TEAD4: variants seen among roughly 807,000 people sequenced by gnomAD.
TEAD4 encodes transcriptional enhancer factor TEF-3.
Under a neutral mutation model 52.4 loss-of-function variants are expected in TEAD4, and 36 were observed. The observed-to-expected ratio is 0.69, with a 90% CI of 0.53 to 0.91. The LOEUF (loss-of-function observed/expected upper bound fraction) is 0.91, where lower values mean the gene tolerates loss of function less well. Among genes scored for constraint, TEAD4 ranks in the 40% least tolerant of loss-of-function variants. The pLI, the probability that TEAD4 is intolerant of heterozygous loss-of-function variation, is 0.00. For missense variants in TEAD4, 508 were observed against 583.9 expected, an observed-to-expected ratio of 0.87 and a Z score of 1.34; for synonymous variants, 220 against 231.0, an observed-to-expected ratio of 0.95 and a Z score of 0.43.
chr12:3,017,082 C>T (rs1413744304), intron 5 of TEAD4: 2 of 509,268 alleles, frequency 3.9e-6, no homozygotes, highest in South Asian at 1.5e-5. Context: ...GAGCTAGGCA[C>T]CTGTGGTAGA....
intron 5 of TEAD4, 120 bp downstream of exon 5, chr12:3,012,352 A>G: frequency 8.9e-7 from 1 of 1,119,988 alleles, no homozygotes; most frequent in Non-Finnish European, 1.3e-6. Flanking sequence ...CTCTCTGTTG[A>G]GGAGAGCCAG....
In TEAD4 at chr12:3,017,484, C is replaced by A. The variant is rs1292023322; in HGVS notation, c.441C>A (p.Ser147Arg). ...TCTCCGCCACGGCCTTCCACAGTAGCATGGCCCTCGCCCGGGGCCCCGGCC... is the reference window on the plus strand; with the variant it reads ...TCTCCGCCACGGCCTTCCACAGTAGAATGGCCCTCGCCCGGGGCCCCGGCC... Residue 147 changes from serine (S) to arginine (R), a missense_variant, in exon 6 of 13, where the codon AGC (serine) becomes AGA (arginine). Transcript: ENST00000359864. 3 of 1,614,064 alleles carry A rather than the reference C, an allele frequency of 1.9e-6. No individual in the cohort carries two copies. Among genetic ancestry groups the A allele is most frequent in the East Asian group, 4.5e-5 (2 of 44,898 alleles).
chr12:2,990,708 C>T (rs530935772), intron 2 of TEAD4, among the ~76,000 whole-genome samples: 13 of 151,996 alleles, frequency 8.6e-5, no homozygotes, highest in East Asian at 1.9e-4. Flanking sequence ...TCAAGTGATC[C>T]GTCTGTCTCG....
intron 2 of TEAD4, among the ~76,000 whole-genome samples, chr12:2,985,833 C>G (rs1315719746): frequency 3.9e-5 from 6 of 152,068 alleles, no homozygotes; most frequent in Non-Finnish European, 8.8e-5. Context: ...CGCCTGTAAT[C>G]CCAGCACTTT....
chr12:3,019,002 A>G (rs2098266677), intron 7 of TEAD4, 113 bp from the exon 8 acceptor site: 4 of 1,337,880 alleles, frequency 3.0e-6, no homozygotes, highest in Non-Finnish European at 3.2e-6. Flanking sequence ...GCCCATCGGG[A>G]CCACTGAAAT....
chr12:3,013,476 C>G (rs527691171), intron 5 of TEAD4, among the ~76,000 whole-genome samples: 34 of 152,186 alleles, frequency 2.2e-4, no homozygotes, highest in African/African-American at 7.7e-4. Context: ...CGGTGGCTCA[C>G]GCCTGTAAGC....
chr12:2,998,447 G>A (rs1248450576), intron 3 of TEAD4, among the ~76,000 whole-genome samples: 2 of 151,164 alleles, frequency 1.3e-5, no homozygotes, highest in East Asian at 1.9e-4. Context: ...GACTGAAAAT[G>A]GTTTGGCAAA....
At chr12:3,016,616 A>T (rs1303258851) in intron 5 of TEAD4, among the ~76,000 whole-genome samples, 1 of 152,042 alleles carries the variant, frequency 6.6e-6, no homozygotes, top group African/African-American at 2.4e-5. Context: ...AAAAAAAAAA[A>T]AAAGAAGAAG....
chr12:2,960,483 G>A, intron 2 of TEAD4: 1 of 530,160 alleles, frequency 1.9e-6, no homozygotes, highest in Non-Finnish European at 2.4e-6. Context: ...GATCCAGGGA[G>A]CAGAACTTTC....
At chr12:2,974,938 A>C (rs1227229418) in intron 2 of TEAD4, among the ~76,000 whole-genome samples, 1 of 152,138 alleles carries the variant, frequency 6.6e-6, no homozygotes, top group African/African-American at 2.4e-5. Flanking sequence ...TAAATCTATT[A>C]ATATTTTCAG....
chr12:3,021,949 A>C lies in TEAD4; in HGVS notation c.829A>C (p.Lys277Gln). ...CCAAATCTATGACAAATTCCCGGAG[A>C]AAAAGGGTGGACTCAAGGATCTCTT... Residue 277 changes from lysine to glutamine, a missense_variant, in exon 10 of 13, where the codon AAA (lysine) becomes CAA (glutamine). Physicochemically the swap from Lys to Gln is moderately conservative, Grantham distance 53. Transcript: ENST00000359864. The C allele has an allele frequency of 6.2e-7, 1 of 1,614,200 alleles. No homozygotes were observed. The highest frequency in any genetic ancestry group is 1.1e-5 in the South Asian group (1 of 91,082).
At chr12:2,960,363 C>G in intron 2 of TEAD4, 1 of 985,610 alleles carries the variant, frequency 1.0e-6, no homozygotes, top group Non-Finnish European at 1.2e-6. Context: ...GGTAAGCGGA[C>G]TGCCTGTTTT....
chr12:3,013,125 A>G (rs1205532238), intron 5 of TEAD4, among the ~76,000 whole-genome samples: 1 of 151,328 alleles, frequency 6.6e-6, no homozygotes, highest in African/African-American at 2.4e-5. Context: ...ATTTTTTTCT[A>G]TTTTTTTATA....
chr12:3,029,644 G>A (rs557276191), intron 10 of TEAD4, among the ~76,000 whole-genome samples: 69 of 152,300 alleles, frequency 4.5e-4, no homozygotes, highest in African/African-American at 1.5e-3. Flanking sequence ...GCCTTCCAAA[G>A]TGCTGGGATT....
chr12:3,004,257 G>A (rs1487218765), intron 3 of TEAD4, among the ~76,000 whole-genome samples: 2 of 152,158 alleles, frequency 1.3e-5, no homozygotes, highest in African/African-American at 4.8e-5. Flanking sequence ...CAGCCCTGTC[G>A]GGGGAGCATA....
At chr12:3,019,886 C>T (rs1380348271) in intron 8 of TEAD4, among the ~76,000 whole-genome samples, 2 of 152,208 alleles carry the variant, frequency 1.3e-5, no homozygotes, top group Non-Finnish European at 2.9e-5. Context: ...GTCCCGTCCA[C>T]CCTCTGTCTC....
chr12:3,005,312 T>C (rs1045963235), intron 3 of TEAD4, among the ~76,000 whole-genome samples: 7 of 128,230 alleles, frequency 5.5e-5, no homozygotes, highest in Non-Finnish European at 1.1e-4. Flanking sequence ...TTGTTTGTTT[T>C]AGACAAGGTC....
At chr12:3,003,916 C>T (rs149331104) in intron 3 of TEAD4, among the ~76,000 whole-genome samples, 385 of 152,350 alleles carry the variant, frequency 2.5e-3, no homozygotes, top group African/African-American at 8.3e-3. Context: ...CCCCTCCCAC[C>T]GCCACCACCT....
intron 9 of TEAD4, 47 bp from the exon 10 acceptor site, chr12:3,021,797 A>ACCGTCTGGCCTGTGCT (rs775216403): frequency 6.3e-7 from 1 of 1,588,824 alleles, no homozygotes. Context: ...TGTCTGTCTG[A>ACCGTCTGGCCTGTGCT]CCGTCTGGCC....
Sources: allele counts gnomAD v4.1 joint callset (sites outside exome capture counted in the v4.1 genomes callset), GRCh38; gene constraint gnomAD v4.1.1; transcripts MANE v1.5; gene names NCBI Gene and HGNC (gene_info 2026-07-23, HGNC 2026-07-21).